Variants in H2BC12 observed in about 807,000 individuals in gnomAD.
The protein encoded by H2BC12 is H2B clustered histone 12.
A neutral mutation model predicts 6.3 loss-of-function variants in H2BC12; 6 were observed. The ratio of observed to expected loss-of-function variants is 0.95; its 90% CI spans 0.52 to 1.87. H2BC12 has a LOEUF of 1.87. Ranked by LOEUF, H2BC12 falls within the 40% of genes most tolerant of loss-of-function variation. The pLI is 0.01. For synonymous variants in H2BC12, 132 were observed against 78.5 expected (o/e 1.68, Z -3.60); for missense variants, 119 against 178.4 (o/e 0.67, Z 1.90).
downstream of H2BC12, among the ~76,000 whole-genome samples, chr6:27,145,295 T>TACACACACAC (rs57882884): frequency 0.014 from 2,043 of 142,658 alleles, 25 homozygotes; most frequent in African/African-American, 0.029. Context: ...ATATGTTAAA[T>TACACACACAC]ACACACACAC....
At chr6:27,142,972 C>T (rs1242803184), downstream of H2BC12, among the ~76,000 whole-genome samples, 1 of 151,916 alleles carries the variant, frequency 6.6e-6, no homozygotes, top group Non-Finnish European at 1.5e-5. Context: ...TTAAGAGTAA[C>T]AAACTGGCTT....
chr6:27,145,560 G>A (rs1165276588), downstream of H2BC12, among the ~76,000 whole-genome samples: 4 of 152,284 alleles, frequency 2.6e-5, no homozygotes, highest in Non-Finnish European at 5.9e-5. Flanking sequence ...TGCTGCTGGG[G>A]AAGTTCCCTT....
the H2BC12 span, chr6:27,139,413 T>C: frequency 1.7e-5 from 28 of 1,614,062 alleles, no homozygotes; most frequent in Admixed American, 4.7e-4. Context: ...AGCCAGCCAT[T>C]CGGCGCCTTG....
chr6:27,139,361 G>GC, the H2BC12 span: 1 of 1,614,008 alleles, frequency 6.2e-7, no homozygotes, highest in South Asian at 1.1e-5. Context: ...GGTGCCAAGC[G>GC]CCACCGCAAG....
chr6:27,142,069 A>T (rs892491360), downstream of H2BC12, among the ~76,000 whole-genome samples: 1 of 152,220 alleles, frequency 6.6e-6, no homozygotes, highest in Non-Finnish European at 1.5e-5. Context: ...CATGAATCAG[A>T]ATCATCTTAT....
chr6:27,139,880 A>C, the H2BC12 span: 2 of 535,402 alleles, frequency 3.7e-6, no homozygotes, highest in Non-Finnish European at 6.5e-6. Context: ...AATTGCCTGC[A>C]GCCGGTTTAC....
rs753134714 is a variant in H2BC12 at position 27,146,480 on chromosome 6, A to C, written c.319T>G (p.Leu107Val). Residue 107 changes from leucine (L) to valine (V), a missense_variant, in exon 1 of 1, where the codon TTG becomes GTG. Leu to Val is a conservative substitution (Grantham distance 32, BLOSUM62 1). This residue lies in a region of H2BC12 where 69 missense variants were observed against 141.0 expected (regional missense o/e 0.49). Coordinates refer to ENST00000356950, the MANE Select transcript of H2BC12 (RefSeq NM_001312653.2). ...CCCTCGGACACGGCGTGCTTGGCCAACTCCCCGGGCAGCAGCAGGCGCACG... is the reference window on the plus strand; with the variant it reads ...CCCTCGGACACGGCGTGCTTGGCCACCTCCCCGGGCAGCAGCAGGCGCACG... ...TAVRLLLPGELAKHAVSEGTK... is the reference protein window; with the variant it reads ...TAVRLLLPGEVAKHAVSEGTK... The C allele has an allele frequency of 6.2e-7, 1 of 1,613,864 alleles. No individual in the cohort carries two copies. The highest frequency in any genetic ancestry group is 1.1e-5 in the South Asian group (1 of 91,066).
At chr6:27,139,741 C>G in the H2BC12 span, 110 of 1,396,268 alleles carry the variant, frequency 7.9e-5, no homozygotes, top group Admixed American at 1.1e-4. Context: ...TCAGTGAGTT[C>G]TGTCATCCTA....
At chr6:27,139,993 G>A in the H2BC12 span, 2 of 198,462 alleles carry the variant, frequency 1.0e-5, no homozygotes. Flanking sequence ...AGGAGATAAT[G>A]AGTTTGATGG....
the H2BC12 span, among the ~76,000 whole-genome samples, chr6:27,141,107 G>C: frequency 6.6e-6 from 1 of 151,844 alleles, no homozygotes; most frequent in South Asian, 2.1e-4. Flanking sequence ...GCTTGAATTG[G>C]ATAGTAAGGC....
At chr6:27,143,507 A>G (rs533233802), downstream of H2BC12, among the ~76,000 whole-genome samples, 199 of 152,006 alleles carry the variant, frequency 1.3e-3, 1 homozygote, top group South Asian at 0.013. Context: ...GCTCCTTTGT[A>G]TTAAGCACTT....
downstream of H2BC12, among the ~76,000 whole-genome samples, chr6:27,145,295 T>TACACACACACACACAC (rs57882884): frequency 9.2e-4 from 132 of 142,718 alleles, no homozygotes; most frequent in African/African-American, 3.0e-3. Context: ...ATATGTTAAA[T>TACACACACACACACAC]ACACACACAC....
downstream of H2BC12, among the ~76,000 whole-genome samples, chr6:27,142,324 G>A (rs1213985392): frequency 6.6e-6 from 1 of 152,126 alleles, no homozygotes; most frequent in Non-Finnish European, 1.5e-5. Flanking sequence ...CCAGGCTGGA[G>A]TACAATGGTG....
downstream of H2BC12, among the ~76,000 whole-genome samples, chr6:27,143,846 T>TAA (rs34292040): frequency 8.5e-3 from 965 of 113,540 alleles, 9 homozygotes; most frequent in Middle Eastern, 0.026. Context: ...AACTACTCTT[T>TAA]AAAAAAAAAA....
At chr6:27,139,272 C>T in the H2BC12 span, 1 of 1,544,352 alleles carries the variant, frequency 6.5e-7, no homozygotes, top group Non-Finnish European at 8.7e-7. Context: ...AAGCTGCCAT[C>T]ACAGGCAGCA....
downstream of H2BC12, among the ~76,000 whole-genome samples, chr6:27,145,701 G>T (rs1760065637): frequency 6.6e-6 from 1 of 152,100 alleles, no homozygotes; most frequent in African/African-American, 2.4e-5. Flanking sequence ...TTACTGATTG[G>T]ACCAATTGAC....
downstream of H2BC12, among the ~76,000 whole-genome samples, chr6:27,146,173 A>G (rs891202928): frequency 3.9e-5 from 6 of 152,104 alleles, no homozygotes; most frequent in Non-Finnish European, 8.8e-5. Context: ...GCACATCCCT[A>G]ATTTTTTAGG....
chr6:27,144,937 G>T (rs995137109), downstream of H2BC12, among the ~76,000 whole-genome samples: 6 of 152,084 alleles, frequency 3.9e-5, no homozygotes, highest in Non-Finnish European at 8.8e-5. Flanking sequence ...GGGACTACGG[G>T]CACATGCTAC....
chr6:27,141,557 C>G, downstream of H2BC12, among the ~76,000 whole-genome samples: 1 of 152,212 alleles, frequency 6.6e-6, no homozygotes, highest in South Asian at 2.1e-4. Context: ...TAAGCCATCA[C>G]AGAGAGTAGT....
Sources: gnomAD v4.1 joint callset for allele counts (sites outside exome capture counted in the v4.1 genomes callset) on GRCh38, gnomAD v4.1.1 for gene constraint, gnomAD v4.1.1 regional missense constraint, MANE v1.5 for transcripts, NCBI Gene and HGNC (gene_info 2026-07-23, HGNC 2026-07-21) for gene names.